ANKRD44: variants seen among roughly 807,000 people sequenced by gnomAD.
ANKRD44 encodes ankyrin repeat domain 44.
In ANKRD44, 35 loss-of-function variants were observed where a neutral mutation model predicts 116.0. That is an observed-to-expected ratio of 0.30 (90% CI 0.23 to 0.40). ANKRD44 has a LOEUF of 0.40. ANKRD44 is among the 10% of genes least tolerant of loss of function. The pLI is 1.00. For missense variants in ANKRD44, 1,014 were observed against 1,242.6 expected, an observed-to-expected ratio of 0.82 and a Z score of 2.77; for synonymous variants, 435 against 461.8, an observed-to-expected ratio of 0.94 and a Z score of 0.74.
chr2:196,967,416 C>T (rs185427671), exon 22 of ANKRD44: 2 of 469,192 alleles, frequency 4.3e-6, no homozygotes, highest in South Asian at 3.1e-5. Flanking sequence ...TGCAGCCAAC[C>T]GATGTTCTTG....
chr2:197,063,641 AACT>A (rs2077366955), intron 16 of ANKRD44, among the ~76,000 whole-genome samples: 1 of 152,256 alleles, frequency 6.6e-6, no homozygotes, highest in Admixed American at 6.5e-5. Flanking sequence ...ATGGCACAAG[AACT>A]ACGTGATGAA....
chr2:197,189,143 A>G (rs529681374), intron 1 of ANKRD44, among the ~76,000 whole-genome samples: 5 of 152,334 alleles, frequency 3.3e-5, no homozygotes, highest in Non-Finnish European at 7.3e-5. Flanking sequence ...GACCAATATA[A>G]GTACTATCAG....
At chr2:197,169,216 C>A (rs2080169427) in intron 2 of ANKRD44, among the ~76,000 whole-genome samples, 1 of 152,186 alleles carries the variant, frequency 6.6e-6, no homozygotes, top group African/African-American at 2.4e-5. Context: ...AACATTCCCC[C>A]CAATCTTCTC....
At chr2:197,195,392 A>G (rs1010188638) in intron 1 of ANKRD44, among the ~76,000 whole-genome samples, 1 of 152,132 alleles carries the variant, frequency 6.6e-6, no homozygotes, top group African/African-American at 2.4e-5. Flanking sequence ...GGAGAAGGAG[A>G]GATTGGAGTT....
intron 4 of ANKRD44, chr2:197,136,284 T>C (rs1481407833): frequency 8.7e-6 from 3 of 344,386 alleles, no homozygotes; most frequent in Non-Finnish European, 1.6e-5. Context: ...AGTTAGTTGC[T>C]TTCTCCCGCA....
At chr2:197,260,566 A>G (rs1213311687) in intron 1 of ANKRD44, among the ~76,000 whole-genome samples, 2 of 152,056 alleles carry the variant, frequency 1.3e-5, no homozygotes, top group African/African-American at 2.4e-5. Flanking sequence ...TCTTTATAGC[A>G]GCATGATTTA....
downstream of ANKRD44, among the ~76,000 whole-genome samples, chr2:196,984,417 C>T (rs80104968): frequency 2.6e-5 from 4 of 152,168 alleles, no homozygotes; most frequent in African/African-American, 9.7e-5. Flanking sequence ...AGCAAATGTA[C>T]CTTCAGGATG....
intron 17 of ANKRD44, chr2:197,016,064 G>A: frequency 2.0e-6 from 1 of 490,730 alleles, no homozygotes; most frequent in South Asian, 1.5e-5. Flanking sequence ...GCGATGAGTT[G>A]TCAGGAGAGC....
At chr2:197,216,076 C>T (rs1184726897) in intron 1 of ANKRD44, among the ~76,000 whole-genome samples, 3 of 152,182 alleles carry the variant, frequency 2.0e-5, no homozygotes, top group Admixed American at 1.3e-4. Flanking sequence ...CAACTATGCC[C>T]TGGATGCCTG....
chr2:197,085,931 T>C (rs918847393), intron 13 of ANKRD44, among the ~76,000 whole-genome samples: 3 of 151,016 alleles, frequency 2.0e-5, no homozygotes, highest in African/African-American at 4.9e-5. Context: ...GGAGTGAGAG[T>C]CCATAAGAAT....
In ANKRD44 at chr2:197,029,346, T is replaced by C. The variant is rs1440370340; in HGVS notation, c.1651-4079A>G. ...AGCTTCAACATGAGTTTCAGATTTTTCATGGCTTCTTTGGGACTCTGCAAT... is the reference window on the plus strand; with the variant it reads ...AGCTTCAACATGAGTTTCAGATTTTCCATGGCTTCTTTGGGACTCTGCAAT... On this transcript the variant is annotated intron_variant, in intron 16 of 27. Coordinates refer to ENST00000282272, the MANE Select transcript of ANKRD44 (RefSeq NM_001195144.2). The C allele has an allele frequency of 1.6e-5, 4 of 253,988 alleles. No homozygotes were observed. In the East Asian group the frequency reaches 4.3e-4, roughly 27 times the overall value. The allele number at this position is 253,988 out of a possible 1,614,324, so 15.7% of individuals were successfully genotyped here. A position where few individuals can be genotyped will look rare whatever the true frequency, so the allele number is the denominator to read the frequency against.
chr2:197,157,189 T>C (rs1352351255), intron 2 of ANKRD44, among the ~76,000 whole-genome samples: 2 of 151,976 alleles, frequency 1.3e-5, no homozygotes, highest in Admixed American at 6.6e-5. Flanking sequence ...AAAAGGCATA[T>C]TTAAAAGTTA....
intron 21 of ANKRD44, among the ~76,000 whole-genome samples, chr2:196,977,110 A>G (rs2075766538): frequency 6.6e-6 from 1 of 152,234 alleles, no homozygotes; most frequent in African/African-American, 2.4e-5. Context: ...TTAGGAATGA[A>G]TTTAACAAAA....
chr2:196,981,971 C>T (rs1216905254), downstream of ANKRD44, among the ~76,000 whole-genome samples: 2 of 151,210 alleles, frequency 1.3e-5, no homozygotes, highest in African/African-American at 2.4e-5. Context: ...CTGCCTCTGA[C>T]CATTATGTCT....
chr2:197,278,497 C>T (rs1574428204), intron 1 of ANKRD44, among the ~76,000 whole-genome samples: 3 of 152,112 alleles, frequency 2.0e-5, no homozygotes, highest in Non-Finnish European at 2.9e-5. Flanking sequence ...GCTGGGACTA[C>T]AGGCACGCAC....
intron 1 of ANKRD44, among the ~76,000 whole-genome samples, chr2:197,189,694 T>TC (rs2080776091): frequency 6.6e-6 from 1 of 152,130 alleles, no homozygotes; most frequent in Non-Finnish European, 1.5e-5. Context: ...GCAACAAACC[T>TC]CCACAACCAG....
chr2:197,285,257 T>C (rs904153554), intron 1 of ANKRD44, among the ~76,000 whole-genome samples: 1 of 152,040 alleles, frequency 6.6e-6, no homozygotes, highest in Admixed American at 6.6e-5. Context: ...CCCAACCCAC[T>C]GCAGGAAAGT....
intron 10 of ANKRD44, among the ~76,000 whole-genome samples, chr2:197,095,725 C>T (rs1051446803): frequency 3.3e-5 from 5 of 152,144 alleles, no homozygotes; most frequent in South Asian, 4.2e-4. Flanking sequence ...CCTCTCCGTG[C>T]CTCACTTACT....
At chr2:197,156,739 A>C (rs939640170) in intron 2 of ANKRD44, among the ~76,000 whole-genome samples, 3 of 152,270 alleles carry the variant, frequency 2.0e-5, no homozygotes, top group African/African-American at 7.2e-5. Context: ...ACTTATTTCC[A>C]CATAATGGAA....
Sources: allele counts gnomAD v4.1 joint callset (sites outside exome capture counted in the v4.1 genomes callset), GRCh38; gene constraint gnomAD v4.1.1; transcripts MANE v1.5; gene names NCBI Gene and HGNC (gene_info 2026-07-23, HGNC 2026-07-21).